Variants in ANKFN1 observed in about 807,000 individuals in gnomAD.
ANKFN1 encodes the protein ankyrin repeat and fibronectin type-III domain-containing protein 1.
Under a neutral mutation model 108.7 loss-of-function variants are expected in ANKFN1, and 74 were observed. That is an observed-to-expected ratio of 0.68 (90% CI 0.56 to 0.83). ANKFN1 has a LOEUF of 0.83. Ranked by LOEUF, ANKFN1 falls within the 40% of genes least tolerant of loss-of-function variation. ANKFN1 has a pLI of 0.00. For missense variants in ANKFN1, 1,505 were observed against 1,382.3 expected (o/e 1.09, Z -1.41); for synonymous variants, 547 against 516.2 (o/e 1.06, Z -0.81).
intron 4 of ANKFN1, among the ~76,000 whole-genome samples, chr17:56,048,114 C>T (rs1336081562): frequency 6.8e-6 from 1 of 148,148 alleles, no homozygotes; most frequent in African/African-American, 2.7e-5. Flanking sequence ...TAGTATTATT[C>T]CAAAATACTT....
chr17:56,115,010 C>T (rs1287315462), intron 4 of ANKFN1, among the ~76,000 whole-genome samples: 3 of 152,140 alleles, frequency 2.0e-5, no homozygotes, highest in South Asian at 2.1e-4. Context: ...TAAATGCAGT[C>T]GTAGCAACAC....
intron 4 of ANKFN1, among the ~76,000 whole-genome samples, chr17:56,101,937 A>C (rs1598095485): frequency 6.6e-6 from 1 of 152,196 alleles, no homozygotes; most frequent in Non-Finnish European, 1.5e-5. Flanking sequence ...GCTCCCTCAC[A>C]GTAATGTTTG....
chr17:56,422,081 T>C (rs2048422746), intron 8 of ANKFN1, among the ~76,000 whole-genome samples: 1 of 152,156 alleles, frequency 6.6e-6, no homozygotes, highest in Admixed American at 6.5e-5. Context: ...CTTCTGAAAA[T>C]AAAAACTAAT....
chr17:56,466,319 A>C, intron 14 of ANKFN1, 37 bp from the exon 15 acceptor site: 1 of 1,555,844 alleles, frequency 6.4e-7, no homozygotes, highest in Non-Finnish European at 8.9e-7. Flanking sequence ...TGTTAGCATA[A>C]TACCCTCTAT....
chr17:56,050,853 C>T (rs1904762493), intron 4 of ANKFN1, among the ~76,000 whole-genome samples: 1 of 151,652 alleles, frequency 6.6e-6, no homozygotes, highest in Non-Finnish European at 1.5e-5. Flanking sequence ...ATACACTCTC[C>T]CAAGACTAAA....
At chr17:56,089,616 C>T (rs1905376423) in intron 4 of ANKFN1, among the ~76,000 whole-genome samples, 1 of 151,106 alleles carries the variant, frequency 6.6e-6, no homozygotes, top group Non-Finnish European at 1.5e-5. Context: ...TCTTTTTCTC[C>T]CCCTAATATA....
At chr17:56,253,812 A>G (rs900345157) in intron 3 of ANKFN1, among the ~76,000 whole-genome samples, 5 of 152,188 alleles carry the variant, frequency 3.3e-5, no homozygotes, top group Admixed American at 2.6e-4. Context: ...AGCTTTATTC[A>G]GGGCTATCCG....
chr17:56,366,030 T>C lies in ANKFN1; in HGVS notation c.602-6616T>C, dbSNP rs116160685. Reference sequence around the variant, plus strand: ...TAAAAGATGACAGCTCTATGCGTGTTACTGCCCCTTAAGAACTTCCAGTGG... The same window carrying C: ...TAAAAGATGACAGCTCTATGCGTGTCACTGCCCCTTAAGAACTTCCAGTGG... On this transcript the variant is annotated intron_variant, in intron 6 of 20. Transcript: ENST00000682825. 2.4e-3 allele frequency among the ~76,000 whole-genome samples: 371 copies of C among 152,312 alleles called. 12 individuals carry two copies. The highest frequency in any genetic ancestry group is 7.6e-3 in the African/African-American group (317 of 41,568).
chr17:56,132,721 G>GA (rs1403589095), intron 4 of ANKFN1, among the ~76,000 whole-genome samples: 1 of 152,098 alleles, frequency 6.6e-6, no homozygotes, highest in Admixed American at 6.5e-5. Flanking sequence ...ATCTGATGAG[G>GA]GCGCTCTTCT....
intron 2 of ANKFN1, among the ~76,000 whole-genome samples, chr17:56,225,263 C>T (rs1006677587): frequency 1.3e-5 from 2 of 152,162 alleles, no homozygotes; most frequent in African/African-American, 4.8e-5. Flanking sequence ...AGAATAATAT[C>T]TCCCTAGGGT....
intron 4 of ANKFN1, among the ~76,000 whole-genome samples, chr17:56,332,823 A>G (rs1373383321): frequency 6.6e-6 from 1 of 151,998 alleles, no homozygotes; most frequent in African/African-American, 2.4e-5. Context: ...CCATTTCTGT[A>G]AAAATTTTAG....
At chr17:56,259,522 G>C (rs2043449713) in intron 3 of ANKFN1, among the ~76,000 whole-genome samples, 1 of 152,026 alleles carries the variant, frequency 6.6e-6, no homozygotes, top group South Asian at 2.1e-4. Context: ...TTAGACTTCT[G>C]TTTCCTCCTC....
chr17:56,097,290 A>G (rs922021995), intron 4 of ANKFN1, among the ~76,000 whole-genome samples: 1 of 146,932 alleles, frequency 6.8e-6, no homozygotes, highest in Non-Finnish European at 1.5e-5. Flanking sequence ...GATTTTGAAG[A>G]TTGTATGGCT....
chr17:56,204,035 T>A (rs1914292270), intron 1 of ANKFN1, among the ~76,000 whole-genome samples: 1 of 151,368 alleles, frequency 6.6e-6, no homozygotes, highest in South Asian at 2.1e-4. Flanking sequence ...TGTTTGTTTA[T>A]ATTAAATTAA....
Position 56,300,594 on chromosome 17 carries a change from T to G in ANKFN1, c.54-25627T>G, listed in dbSNP as rs956373498. 4.6e-5 allele frequency among the ~76,000 whole-genome samples: 7 copies of G among 152,060 alleles called. No homozygotes were observed. In the East Asian group the frequency reaches 5.8e-4, roughly 13 times the overall value. Reference sequence around the variant, plus strand: ...CTCCCTTAGACACAGGAAATTGTTTTTTTTTTTTTTTTAAAGAAAACGAAT... The same window carrying G: ...CTCCCTTAGACACAGGAAATTGTTTGTTTTTTTTTTTTAAAGAAAACGAAT... On this transcript the variant is annotated intron_variant, in intron 3 of 20. Transcript: ENST00000682825.
chr17:56,123,019 G>A (rs1456176759), intron 4 of ANKFN1, among the ~76,000 whole-genome samples: 1 of 152,204 alleles, frequency 6.6e-6, no homozygotes, highest in Non-Finnish European at 1.5e-5. Context: ...CATTTATTGA[G>A]TACTTATTAT....
At chr17:56,431,163 A>C (rs1054130493) in intron 8 of ANKFN1, among the ~76,000 whole-genome samples, 22 of 152,190 alleles carry the variant, frequency 1.4e-4, no homozygotes, top group African/African-American at 4.1e-4. Flanking sequence ...AGGCCAGGGG[A>C]AGGATCAAGA....
At chr17:56,149,290 T>A (rs1567804871), upstream of ANKFN1, among the ~76,000 whole-genome samples, 1 of 152,008 alleles carries the variant, frequency 6.6e-6, no homozygotes, top group Non-Finnish European at 1.5e-5. Flanking sequence ...TGAATAGTAA[T>A]AGGAATTTGA....
At chr17:56,102,420 A>G (rs944310242) in intron 4 of ANKFN1, among the ~76,000 whole-genome samples, 1 of 152,230 alleles carries the variant, frequency 6.6e-6, no homozygotes, top group African/African-American at 2.4e-5. Flanking sequence ...TGTTCCCTAC[A>G]TTCTGTTTAA....
Sources: gnomAD v4.1 joint callset for allele counts (sites outside exome capture counted in the v4.1 genomes callset) on GRCh38, gnomAD v4.1.1 for gene constraint, MANE v1.5 for transcripts, NCBI Gene and HGNC (gene_info 2026-07-23, HGNC 2026-07-21) for gene names.